The following CIB4 variants were observed in gnomAD, a reference collection of about 807,000 sequenced individuals.
The protein encoded by CIB4 is calcium and integrin-binding family member 4.
In CIB4, 25 loss-of-function variants were observed where a neutral mutation model predicts 25.8. The observed-to-expected ratio is 0.97, with a 90% confidence interval of 0.71 to 1.35. The LOEUF is 1.35. Among genes scored for constraint, CIB4 ranks in the 40% most tolerant of loss-of-function variants. The pLI, the probability that CIB4 is intolerant of heterozygous loss-of-function variation, is 0.00. For missense variants in CIB4, 235 were observed against 228.2 expected, an observed-to-expected ratio of 1.03 and a Z score of -0.19; for synonymous variants, 75 against 81.4, an observed-to-expected ratio of 0.92 and a Z score of 0.42.
chr2:26,584,430 C>T (rs1668411671), intron 4 of CIB4, among the ~76,000 whole-genome samples: 1 of 152,224 alleles, frequency 6.6e-6, no homozygotes. Flanking sequence ...CTGCTCCTGT[C>T]CCGATGTGGT....
At chr2:26,587,903 A>G (rs1668487290) in intron 4 of CIB4, among the ~76,000 whole-genome samples, 1 of 152,214 alleles carries the variant, frequency 6.6e-6, no homozygotes, top group Admixed American at 6.5e-5. Context: ...AGGTTTGCTC[A>G]TGTCACAGGG....
intron 4 of CIB4, among the ~76,000 whole-genome samples, chr2:26,592,246 G>C (rs1248420126): frequency 1.3e-5 from 2 of 152,260 alleles, no homozygotes; most frequent in East Asian, 3.8e-4. Context: ...ACCCCAGCCA[G>C]AGAGCACTGA....
intron 6 of CIB4, 36 bp downstream of exon 6, chr2:26,582,789 C>T (rs1353597363): frequency 2.5e-5 from 35 of 1,387,570 alleles, no homozygotes; most frequent in Non-Finnish European, 3.4e-5. Context: ...CCCCACCACT[C>T]TCCTGGACAG....
intron 3 of CIB4, among the ~76,000 whole-genome samples, chr2:26,625,257 A>C (rs895777211): frequency 2.7e-5 from 4 of 150,520 alleles, no homozygotes; most frequent in Non-Finnish European, 5.9e-5. Context: ...GCAGTTAGGG[A>C]GTGTTTACTT....
chr2:26,583,667 A>G (rs1367199190), intron 5 of CIB4, 122 bp downstream of exon 5: 7 of 697,866 alleles, frequency 1.0e-5, no homozygotes, highest in African/African-American at 1.8e-5. Context: ...CCAATGTGTC[A>G]TCTGCCTCAG....
At chr2:26,590,200 A>G (rs887411007) in intron 4 of CIB4, among the ~76,000 whole-genome samples, 5 of 144,212 alleles carry the variant, frequency 3.5e-5, no homozygotes, top group African/African-American at 1.3e-4. Context: ...AAGCCCAGGG[A>G]CCAGGACATA....
intron 4 of CIB4, among the ~76,000 whole-genome samples, chr2:26,591,525 C>A (rs888627350): frequency 2.0e-5 from 3 of 152,198 alleles, no homozygotes; most frequent in Non-Finnish European, 2.9e-5. Context: ...AGTCCTGCCT[C>A]ACTTCCACCA....
chr2:26,613,946 C>T (rs1267591644), intron 3 of CIB4, among the ~76,000 whole-genome samples: 1 of 152,224 alleles, frequency 6.6e-6, no homozygotes, highest in Non-Finnish European at 1.5e-5. Flanking sequence ...AGGCAGGTGG[C>T]TGAATGCCTC....
chr2:26,587,011 C>T (rs1488583877), intron 4 of CIB4, among the ~76,000 whole-genome samples: 2 of 152,044 alleles, frequency 1.3e-5, no homozygotes, highest in Non-Finnish European at 2.9e-5. Flanking sequence ...GTAACTGGCC[C>T]GGCACGGTGG....
At chr2:26,621,881 A>G (rs1313417555) in intron 3 of CIB4, among the ~76,000 whole-genome samples, 1 of 152,260 alleles carries the variant, frequency 6.6e-6, no homozygotes, top group Middle Eastern at 3.2e-3. Flanking sequence ...TCTCACTTCT[A>G]AATGCCTTTG....
At chr2:26,607,592 T>C (rs2148207830) in intron 3 of CIB4, among the ~76,000 whole-genome samples, 1 of 152,330 alleles carries the variant, frequency 6.6e-6, no homozygotes, top group Middle Eastern at 3.4e-3. Context: ...GTCATAGCCT[T>C]GTTCACAGGG....
At chr2:26,637,107 A>G (rs1159873706) in intron 2 of CIB4, among the ~76,000 whole-genome samples, 2 of 152,176 alleles carry the variant, frequency 1.3e-5, no homozygotes, top group East Asian at 3.9e-4. Flanking sequence ...AGCTCTCCCC[A>G]GATGGTTAGC....
intron 3 of CIB4, among the ~76,000 whole-genome samples, chr2:26,617,147 T>TGTGTGTGTGCAC (rs10665609): frequency 6.6e-6 from 1 of 150,412 alleles, no homozygotes; most frequent in African/African-American, 2.5e-5. Context: ...TGTGTGTGTG[T>TGTGTGTGTGCAC]GCACGTGAGC....
At chr2:26,599,161 C>T (rs1668736699) in intron 3 of CIB4, among the ~76,000 whole-genome samples, 1 of 152,192 alleles carries the variant, frequency 6.6e-6, no homozygotes, top group African/African-American at 2.4e-5. Flanking sequence ...AGCAATGCTT[C>T]CATTTCAAGA....
chr2:26,635,652 C>T (rs533557491), intron 2 of CIB4, among the ~76,000 whole-genome samples: 2 of 152,300 alleles, frequency 1.3e-5, no homozygotes, highest in South Asian at 4.2e-4. Flanking sequence ...CCTTCTGCTC[C>T]CTGAGCCAGA....
chr2:26,616,610 C>T (rs1030694329), intron 3 of CIB4, among the ~76,000 whole-genome samples: 7 of 152,138 alleles, frequency 4.6e-5, no homozygotes, highest in Admixed American at 1.3e-4. Flanking sequence ...GGAGCTGGAC[C>T]TAAGCCCAGG....
chr2:26,614,213 G>A (rs1669050052), intron 3 of CIB4, among the ~76,000 whole-genome samples: 1 of 152,190 alleles, frequency 6.6e-6, no homozygotes, highest in Admixed American at 6.5e-5. Flanking sequence ...GAAAAGACAT[G>A]AGTGGAATAA....
intron 4 of CIB4, among the ~76,000 whole-genome samples, chr2:26,587,991 C>T (rs570745372): frequency 5.8e-4 from 88 of 152,372 alleles, no homozygotes; most frequent in African/African-American, 2.0e-3. Flanking sequence ...GTTCCCCTCA[C>T]TCCTCCAGCA....
chr2:26,587,866 T>C (rs1668486745), intron 4 of CIB4, among the ~76,000 whole-genome samples: 7 of 152,196 alleles, frequency 4.6e-5, no homozygotes, highest in Admixed American at 4.6e-4. Context: ...GTTTCCATAC[T>C]CATTTCTACT....
Sources: allele counts gnomAD v4.1 joint callset (sites outside exome capture counted in the v4.1 genomes callset), GRCh38; gene constraint gnomAD v4.1.1; transcripts MANE v1.5; gene names NCBI Gene and HGNC (gene_info 2026-07-23, HGNC 2026-07-21).